Variants in TARS3 observed in about 807,000 individuals in gnomAD.
TARS3 encodes the protein threonyl-tRNA synthetase 3.
In TARS3, 94 loss-of-function variants were observed where a neutral mutation model predicts 103.5. The ratio of observed to expected loss-of-function variants is 0.91; its 90% CI spans 0.77 to 1.08. The LOEUF (loss-of-function observed/expected upper bound fraction) is 1.08. TARS3 is among the 50% of genes least tolerant of loss of function. The pLI is 0.00. For missense variants in TARS3, 952 were observed against 995.2 expected (o/e 0.96, Z 0.58); for synonymous variants, 416 against 355.4 (o/e 1.17, Z -1.92).
chr15:101,722,217 C>CT (rs55694230), intron 2 of TARS3, among the ~76,000 whole-genome samples: 4,664 of 138,676 alleles, frequency 0.034, 117 homozygotes, highest in African/African-American at 0.059. Flanking sequence ...TGGCATCTCC[C>CT]TTTTTTTTTT....
At chr15:101,710,889 G>A (rs550729340) in intron 5 of TARS3, among the ~76,000 whole-genome samples, 2 of 152,202 alleles carry the variant, frequency 1.3e-5, no homozygotes, top group South Asian at 2.1e-4. Flanking sequence ...GGATGGTGGC[G>A]TGGTGGTGAA....
chr15:101,720,997 C>A (rs1900426038), intron 3 of TARS3, 129 bp downstream of exon 3: 2 of 789,298 alleles, frequency 2.5e-6, no homozygotes, highest in Non-Finnish European at 3.9e-6. Context: ...TATAAATAAC[C>A]CAGTCTCAGA....
chr15:101,679,277 T>G (rs1374924977), intron 12 of TARS3, among the ~76,000 whole-genome samples: 1 of 152,232 alleles, frequency 6.6e-6, no homozygotes, highest in Non-Finnish European at 1.5e-5. Flanking sequence ...GAATGTTAGA[T>G]ATCTTGTTAT....
chr15:101,655,008 A>C (rs1188738555), intron 18 of TARS3, among the ~76,000 whole-genome samples: 1 of 151,678 alleles, frequency 6.6e-6, no homozygotes, highest in Non-Finnish European at 1.5e-5. Context: ...TGCACCTGGC[A>C]CTAGGGCGCA....
At chr15:101,724,055 C>T (rs1435022042) in intron 1 of TARS3, 36 bp downstream of exon 1, 3 of 1,339,986 alleles carry the variant, frequency 2.2e-6, no homozygotes, top group Non-Finnish European at 1.9e-6. Context: ...GCCCGCCCCG[C>T]CCGCGTCCTC....
intron 11 of TARS3, among the ~76,000 whole-genome samples, chr15:101,685,170 T>TA (rs1319969051): frequency 6.6e-6 from 1 of 152,236 alleles, no homozygotes; most frequent in African/African-American, 2.4e-5. Flanking sequence ...ATCTTCTAGG[T>TA]AAATTTACTT....
intron 15 of TARS3, among the ~76,000 whole-genome samples, chr15:101,662,101 A>G (rs1476884287): frequency 6.6e-6 from 1 of 152,188 alleles, no homozygotes; most frequent in Non-Finnish European, 1.5e-5. Flanking sequence ...ATGTCAACTC[A>G]CAGCCAATCT....
chr15:101,682,925 T>A (rs1442648597), intron 12 of TARS3, among the ~76,000 whole-genome samples: 1 of 152,226 alleles, frequency 6.6e-6, no homozygotes, highest in East Asian at 1.9e-4. Context: ...AGCATAAAGT[T>A]ATTCATAAAA....
At chr15:101,673,089 C>G (rs1195220768) in intron 13 of TARS3, among the ~76,000 whole-genome samples, 1 of 152,180 alleles carries the variant, frequency 6.6e-6, no homozygotes, top group Non-Finnish European at 1.5e-5. Flanking sequence ...ATTTCAGACA[C>G]TTCTGAAGAC....
chr15:101,677,559 C>T (rs1898080179), intron 12 of TARS3, among the ~76,000 whole-genome samples: 1 of 150,998 alleles, frequency 6.6e-6, no homozygotes, highest in Non-Finnish European at 1.5e-5. Flanking sequence ...AGTGCAATGG[C>T]ACAGTCTCAG....
At chr15:101,709,320 G>A (rs1186345526) in intron 5 of TARS3, among the ~76,000 whole-genome samples, 2 of 152,192 alleles carry the variant, frequency 1.3e-5, no homozygotes, top group East Asian at 1.9e-4. Context: ...ATGGACTGCA[G>A]AGTCGCGGTG....
At chr15:101,688,881 T>A (rs1055043418) in intron 10 of TARS3, among the ~76,000 whole-genome samples, 9 of 152,198 alleles carry the variant, frequency 5.9e-5, no homozygotes, top group Non-Finnish European at 1.3e-4. Flanking sequence ...TCCTGTCTTC[T>A]GTTTTTCAGT....
rs775501318 is a variant in TARS3, at chr15:101,671,477, A to C, written c.1967+9T>G. The C allele has an allele frequency of 1.9e-6, 3 of 1,581,460 alleles. No homozygotes were observed. Among genetic ancestry groups the C allele is most frequent in the Non-Finnish European group, 2.6e-6 (3 of 1,153,874 alleles). ...AGTACTATAATATTTATCACATTCA[A>C]TCACTCACCTAACATATGTGAGATT... is the stretch of plus-strand genomic sequence containing the variant. On this transcript the variant is annotated intron_variant, in intron 15 of 18. Coordinates refer to ENST00000335968, the MANE Select transcript of TARS3 (RefSeq NM_152334.3).
intron 5 of TARS3, among the ~76,000 whole-genome samples, chr15:101,711,057 C>A (rs1899841634): frequency 6.6e-6 from 1 of 152,158 alleles, no homozygotes; most frequent in Non-Finnish European, 1.5e-5. Context: ...TGACACATCC[C>A]TGTCCGGCAC....
At chr15:101,669,895 T>C (rs1324354326) in intron 15 of TARS3, among the ~76,000 whole-genome samples, 6 of 152,242 alleles carry the variant, frequency 3.9e-5, no homozygotes, top group Admixed American at 2.6e-4. Context: ...GTCCAACTAA[T>C]TTCTGACAAA....
chr15:101,680,425 G>GCAAAA (rs1011267458), intron 12 of TARS3, among the ~76,000 whole-genome samples: 3 of 152,140 alleles, frequency 2.0e-5, no homozygotes, highest in East Asian at 1.9e-4. Flanking sequence ...AATATATGTG[G>GCAAAA]CAAAACAAAA....
intron 6 of TARS3, among the ~76,000 whole-genome samples, chr15:101,707,020 G>A (rs1440923008): frequency 2.0e-5 from 3 of 152,148 alleles, no homozygotes; most frequent in Non-Finnish European, 2.9e-5. Flanking sequence ...GAGCTCAACA[G>A]ACATTTCTCC....
chr15:101,719,212 C>G (rs1255694958), intron 3 of TARS3, among the ~76,000 whole-genome samples: 1 of 152,020 alleles, frequency 6.6e-6, no homozygotes, highest in African/African-American at 2.4e-5. Context: ...TATATTTCTC[C>G]TCCTTCTTTT....
chr15:101,703,487 G>C (rs1205072392), intron 8 of TARS3, among the ~76,000 whole-genome samples: 2 of 152,126 alleles, frequency 1.3e-5, no homozygotes. Flanking sequence ...CTCCTCAGGA[G>C]GCTGGGGCAG....
Sources: gnomAD v4.1 joint callset for allele counts (sites outside exome capture counted in the v4.1 genomes callset) on GRCh38, gnomAD v4.1.1 for gene constraint, MANE v1.5 for transcripts, NCBI Gene and HGNC (gene_info 2026-07-23, HGNC 2026-07-21) for gene names.